Variants in SPIDR observed in about 807,000 individuals in gnomAD.
SPIDR encodes the protein DNA repair-scaffolding protein.
Under a neutral mutation model 104.6 loss-of-function variants are expected in SPIDR, and 93 were observed. The observed-to-expected ratio is 0.89, with a 90% CI of 0.75 to 1.06. SPIDR has a LOEUF of 1.06. Ranked by LOEUF, SPIDR falls within the 50% of genes least tolerant of loss-of-function variation. The probability of loss-of-function intolerance (pLI) is 0.00; values close to 1 mark genes in which losing one functional copy is unlikely to be tolerated. For synonymous variants in SPIDR, 431 were observed against 416.9 expected, an observed-to-expected ratio of 1.03 and a Z score of -0.41; for missense variants, 1,154 against 1,111.2, an observed-to-expected ratio of 1.04 and a Z score of -0.55.
chr8:47,422,165 G>A (rs958883352), intron 7 of SPIDR, among the ~76,000 whole-genome samples: 1 of 152,218 alleles, frequency 6.6e-6, no homozygotes. Context: ...AGTCAGCAGA[G>A]GTTTCTGCTG....
chr8:47,270,273 T>C (rs1442891707), intron 1 of SPIDR, among the ~76,000 whole-genome samples: 1 of 152,214 alleles, frequency 6.6e-6, no homozygotes, highest in Non-Finnish European at 1.5e-5. Context: ...AGCTTTTCTT[T>C]GTAGGAAGTT....
chr8:47,690,424 A>G (rs756922385), intron 11 of SPIDR, among the ~76,000 whole-genome samples: 6 of 150,638 alleles, frequency 4.0e-5, no homozygotes, highest in Non-Finnish European at 5.9e-5. Flanking sequence ...TCAAGAGTTG[A>G]TTAGGAGGAT....
chr8:47,374,428 A>T (rs561071399), intron 5 of SPIDR, among the ~76,000 whole-genome samples: 4 of 152,362 alleles, frequency 2.6e-5, no homozygotes, highest in African/African-American at 9.6e-5. Flanking sequence ...GACTGTATCT[A>T]TTCAAAAGTA....
At chr8:47,577,850 G>A (rs1318924217) in intron 8 of SPIDR, among the ~76,000 whole-genome samples, 2 of 152,178 alleles carry the variant, frequency 1.3e-5, no homozygotes. Flanking sequence ...AAAGTCTGGA[G>A]GTGGGACCCG....
At chr8:47,465,309 A>G (rs782215480) in intron 8 of SPIDR, among the ~76,000 whole-genome samples, 2 of 152,192 alleles carry the variant, frequency 1.3e-5, no homozygotes, top group African/African-American at 2.4e-5. Flanking sequence ...CAACCAGACA[A>G]GTCTACATAA....
At chr8:47,429,316 G>A (rs1035748139) in intron 7 of SPIDR, among the ~76,000 whole-genome samples, 2 of 152,140 alleles carry the variant, frequency 1.3e-5, no homozygotes, top group Non-Finnish European at 2.9e-5. Flanking sequence ...CACACACTCA[G>A]CCCAGCTGCC....
chr8:47,704,528 C>T (rs1005057427), intron 14 of SPIDR, among the ~76,000 whole-genome samples: 4 of 152,094 alleles, frequency 2.6e-5, no homozygotes, highest in Non-Finnish European at 5.9e-5. Context: ...GGGGCAGGGA[C>T]GCAACACACC....
At chr8:47,306,521 A>T (rs1307327180) in intron 5 of SPIDR, among the ~76,000 whole-genome samples, 1 of 152,202 alleles carries the variant, frequency 6.6e-6, no homozygotes, top group Admixed American at 6.5e-5. Context: ...GTGACCTAAC[A>T]TATGGTCTAT....
intron 10 of SPIDR, among the ~76,000 whole-genome samples, chr8:47,602,881 C>G (rs939735461): frequency 6.6e-6 from 1 of 152,184 alleles, no homozygotes; most frequent in Non-Finnish European, 1.5e-5. Flanking sequence ...ATGTTAGAGT[C>G]CCCTGTCCAT....
chr8:47,502,292 C>T (rs1379626570), intron 8 of SPIDR, among the ~76,000 whole-genome samples: 1 of 152,136 alleles, frequency 6.6e-6, no homozygotes, highest in Non-Finnish European at 1.5e-5. Flanking sequence ...GGTTGGTAAG[C>T]TATTAATTAT....
In SPIDR at chr8:47,294,022, C is replaced by T; in HGVS notation, c.517C>T (p.Leu173Phe). 3 of 1,613,200 alleles carry T rather than the reference C, an allele frequency of 1.9e-6. No homozygotes were observed. Among genetic ancestry groups the T allele is most frequent in the Non-Finnish European group, 1.7e-6 (2 of 1,179,726 alleles). The change falls in exon 5 of 20, where the codon CTT becomes TTT. Residue 173 changes from leucine to phenylalanine, a missense_variant. By Grantham distance (22) the Leu-to-Phe change is conservative. Coordinates refer to ENST00000297423, the MANE Select transcript of SPIDR (RefSeq NM_001080394.4). ...SLTSDEKLSE[L>F]PKPSSIEILE... ...GACAAGTGATGAGAAGCTGTCGGAGCTTCCCAAGGTAAGAATGAAGTATTT... is the reference window on the plus strand; with the variant it reads ...GACAAGTGATGAGAAGCTGTCGGAGTTTCCCAAGGTAAGAATGAAGTATTT...
chr8:47,411,249 T>A (rs186273674), intron 7 of SPIDR, among the ~76,000 whole-genome samples: 1,691 of 152,308 alleles, frequency 0.011, 20 homozygotes, highest in Non-Finnish European at 0.014. Context: ...ACTTCCACAA[T>A]GATTGAACTA....
chr8:47,261,282 C>T (rs751639102), intron 1 of SPIDR, among the ~76,000 whole-genome samples: 30 of 152,218 alleles, frequency 2.0e-4, no homozygotes, highest in African/African-American at 4.8e-4. Flanking sequence ...ATGTCCGCCT[C>T]GGGGGTACTT....
intron 8 of SPIDR, among the ~76,000 whole-genome samples, chr8:47,553,364 G>C (rs904450768): frequency 6.6e-6 from 1 of 152,098 alleles, no homozygotes; most frequent in East Asian, 1.9e-4. Context: ...CATTCTCCCC[G>C]TCACTTTCAG....
chr8:47,711,195 G>T (rs559038622), intron 14 of SPIDR, among the ~76,000 whole-genome samples: 1 of 152,092 alleles, frequency 6.6e-6, no homozygotes, highest in Non-Finnish European at 1.5e-5. Flanking sequence ...ACACATGCCC[G>T]TCATTCTTTG....
chr8:47,660,087 G>A (rs935395448), intron 10 of SPIDR, among the ~76,000 whole-genome samples: 1 of 152,148 alleles, frequency 6.6e-6, no homozygotes, highest in African/African-American at 2.4e-5. Flanking sequence ...TTGGAAAGGA[G>A]GAAGGGACAG....
chr8:47,343,217 C>G (rs950974129), intron 5 of SPIDR, among the ~76,000 whole-genome samples: 1 of 151,982 alleles, frequency 6.6e-6, no homozygotes, highest in African/African-American at 2.4e-5. Context: ...AATTAAGATG[C>G]AAAATAGGAA....
At chr8:47,528,053 G>A (rs1406106242) in intron 8 of SPIDR, 2 of 152,210 alleles carry the variant, frequency 1.3e-5, no homozygotes, top group African/African-American at 2.4e-5. Flanking sequence ...GACTCTCCCT[G>A]TTTCAACAAC....
chr8:47,690,678 G>T (rs538336075), intron 11 of SPIDR, among the ~76,000 whole-genome samples: 1 of 152,154 alleles, frequency 6.6e-6, no homozygotes, highest in South Asian at 2.1e-4. Flanking sequence ...AATTAACCAG[G>T]CATGGTGGCA....
Sources: gnomAD v4.1 joint callset for allele counts (sites outside exome capture counted in the v4.1 genomes callset) on GRCh38, gnomAD v4.1.1 for gene constraint, MANE v1.5 for transcripts, NCBI Gene and HGNC (gene_info 2026-07-23, HGNC 2026-07-21) for gene names.